The following NTM variants were observed in gnomAD, a reference collection of about 807,000 sequenced individuals.
NTM encodes the protein IgLON family member 2.
NTM carries 13 observed loss-of-function variants against 42.1 expected under a neutral mutation model. That is an observed-to-expected ratio of 0.31 (90% CI 0.20 to 0.49). The LOEUF (loss-of-function observed/expected upper bound fraction) is 0.49, where lower values mean the gene tolerates loss of function less well. Ranked by LOEUF, NTM falls within the 20% of genes least tolerant of loss-of-function variation. The probability of loss-of-function intolerance (pLI) is 0.99; values close to 1 mark genes in which losing one functional copy is unlikely to be tolerated. For synonymous variants in NTM, 187 were observed against 179.2 expected (o/e 1.04, Z -0.35); for missense variants, 373 against 452.8 (o/e 0.82, Z 1.60).
intron 1 of NTM, among the ~76,000 whole-genome samples, chr11:131,429,427 C>A (rs1948472191): frequency 1.3e-5 from 2 of 152,096 alleles, no homozygotes; most frequent in South Asian, 4.2e-4. Flanking sequence ...CAGTGAGTGC[C>A]CTAAGTGTTT....
chr11:131,861,650 CATT>C (rs1565641548), intron 1 of NTM, among the ~76,000 whole-genome samples: 1 of 152,078 alleles, frequency 6.6e-6, no homozygotes, highest in East Asian at 1.9e-4. Flanking sequence ...ACTCCTGGCT[CATT>C]ATACAATTGG....
chr11:131,986,031 G>C (rs2135013418), intron 2 of NTM, among the ~76,000 whole-genome samples: 1 of 152,296 alleles, frequency 6.6e-6, no homozygotes, highest in South Asian at 2.1e-4. Flanking sequence ...TTTCCCCTCT[G>C]AATTGGAGAG....
At chr11:131,892,935 A>G (rs2051610704) in intron 1 of NTM, among the ~76,000 whole-genome samples, 2 of 152,308 alleles carry the variant, frequency 1.3e-5, no homozygotes, top group South Asian at 4.2e-4. Flanking sequence ...GCCTTGGCAT[A>G]CCCTTTCTCT....
chr11:131,960,954 C>T (rs1432445062), intron 2 of NTM, among the ~76,000 whole-genome samples: 1 of 152,172 alleles, frequency 6.6e-6, no homozygotes, highest in African/African-American at 2.4e-5. Flanking sequence ...CCTGTTTGAG[C>T]ACCGTGAGGG....
chr11:131,843,310 T>C (rs2044507021), intron 1 of NTM, among the ~76,000 whole-genome samples: 1 of 152,206 alleles, frequency 6.6e-6, no homozygotes. Context: ...AGTACATTCA[T>C]ATGTGTTTAA....
chr11:132,058,722 C>T (rs915649254), intron 2 of NTM, among the ~76,000 whole-genome samples: 1 of 152,170 alleles, frequency 6.6e-6, no homozygotes, highest in Non-Finnish European at 1.5e-5. Flanking sequence ...CAGGAAGTTG[C>T]CTTCTTCGCT....
chr11:131,756,316 T>C, intron 1 of NTM, among the ~76,000 whole-genome samples: 1 of 152,058 alleles, frequency 6.6e-6, no homozygotes, highest in Non-Finnish European at 1.5e-5. Flanking sequence ...CGGGGCGTGG[T>C]GACACACCTG....
At chr11:131,632,012 G>T (rs1302195717) in intron 1 of NTM, among the ~76,000 whole-genome samples, 1 of 152,006 alleles carries the variant, frequency 6.6e-6, no homozygotes, top group Non-Finnish European at 1.5e-5. Flanking sequence ...TACTTAGTAT[G>T]CATATGTTTC....
At chr11:131,431,078 A>T (rs184995620) in intron 1 of NTM, among the ~76,000 whole-genome samples, 1 of 152,272 alleles carries the variant, frequency 6.6e-6, no homozygotes, top group East Asian at 1.9e-4. Flanking sequence ...AAATCCCCAC[A>T]GTCTTGATTA....
intron 1 of NTM, among the ~76,000 whole-genome samples, chr11:131,850,493 G>C (rs11222817): frequency 0.082 from 12,481 of 152,226 alleles, 602 homozygotes; most frequent in East Asian, 0.19. Flanking sequence ...ACAGAGCTGG[G>C]AGGCTTTCGG....
chr11:131,507,005 ACT>A (rs2047568960), intron 1 of NTM, among the ~76,000 whole-genome samples: 1 of 151,648 alleles, frequency 6.6e-6, no homozygotes, highest in Admixed American at 6.6e-5. Flanking sequence ...CAGATGAATG[ACT>A]CTCTAAGCCT....
chr11:131,604,451 C>A (rs1462342845), intron 1 of NTM, among the ~76,000 whole-genome samples: 1 of 152,000 alleles, frequency 6.6e-6, no homozygotes, highest in Non-Finnish European at 1.5e-5. Context: ...ATATTGTTTG[C>A]AAATATTTTC....
intron 1 of NTM, among the ~76,000 whole-genome samples, chr11:131,481,033 C>T (rs374003023): frequency 3.0e-4 from 46 of 152,030 alleles, no homozygotes; most frequent in African/African-American, 9.7e-5. Flanking sequence ...TATTTCTAGA[C>T]CGATGACTGC....
chr11:131,525,638 C>A (rs2050369784), intron 1 of NTM, among the ~76,000 whole-genome samples: 1 of 152,122 alleles, frequency 6.6e-6, no homozygotes. Flanking sequence ...AAAAGGTCAT[C>A]CGACTACACT....
rs1170311861 is a variant in NTM, at chr11:131,706,711, TAAAC to T, written c.83-204850_83-204847del. On this transcript the variant is annotated intron_variant, in intron 1 of 8. Coordinates refer to ENST00000683400, the MANE Select transcript of NTM (RefSeq NM_001352005.2). ...GGAAAATTTACAAATATGTAGAAAT[TAAAC>T]AACCCATTTCTGAACAATTAATGTG... Among the ~76,000 whole-genome samples, 4 of 152,102 alleles carry T rather than the reference TAAAC, an allele frequency of 2.6e-5. No individual in the cohort carries two copies. The South Asian group carries it at 6.2e-4, about 24-fold the overall frequency.
chr11:132,035,980 A>T (rs1346498871), intron 2 of NTM, among the ~76,000 whole-genome samples: 2 of 152,166 alleles, frequency 1.3e-5, no homozygotes, highest in African/African-American at 4.8e-5. Flanking sequence ...GAGCTGCATC[A>T]TTACGCGGGG....
chr11:131,701,506 G>C (rs2658863), intron 1 of NTM, among the ~76,000 whole-genome samples: 31,010 of 152,158 alleles, frequency 0.2, 3,472 homozygotes, highest in African/African-American at 0.28. Flanking sequence ...GCATTTGTCA[G>C]TTTTGCCAGG....
intron 1 of NTM, among the ~76,000 whole-genome samples, chr11:131,621,556 T>C (rs2062543650): frequency 6.8e-6 from 1 of 147,860 alleles, no homozygotes; most frequent in South Asian, 2.1e-4. Context: ...TCCCAGCACC[T>C]TGGGAGGCTG....
At chr11:131,878,887 C>T (rs1230627153) in intron 1 of NTM, among the ~76,000 whole-genome samples, 1 of 151,732 alleles carries the variant, frequency 6.6e-6, no homozygotes, top group African/African-American at 2.4e-5. Context: ...GAGGAGTTCC[C>T]ACCACCCCTA....
Sources: allele counts gnomAD v4.1 joint callset (sites outside exome capture counted in the v4.1 genomes callset), GRCh38; gene constraint gnomAD v4.1.1; transcripts MANE v1.5; gene names NCBI Gene and HGNC (gene_info 2026-07-23, HGNC 2026-07-21).